The following TENM2 variants were observed in gnomAD, a reference collection of about 807,000 sequenced individuals.
TENM2 encodes the protein teneurin-2.
A neutral mutation model predicts 245.2 loss-of-function variants in TENM2; 52 were observed. The ratio of observed to expected loss-of-function variants is 0.21; its 90% CI spans 0.17 to 0.27. The LOEUF is 0.27. Ranked by LOEUF, TENM2 falls within the 10% of genes least tolerant of loss-of-function variation. TENM2 has a pLI of 1.00. For synonymous variants in TENM2, 1,363 were observed against 1,438.9 expected, an observed-to-expected ratio of 0.95 and a Z score of 1.19; for missense variants, 3,046 against 3,666.8, an observed-to-expected ratio of 0.83 and a Z score of 4.37.
exon 29 of TENM2, chr5:168,262,171 C>T: frequency 6.2e-7 from 1 of 1,612,896 alleles, no homozygotes; most frequent in Non-Finnish European, 8.5e-7. Context: ...ACTGGTTTGC[C>T]ACCACCACGC....
chr5:167,841,979 A>T (rs1417121282), intron 2 of TENM2, among the ~76,000 whole-genome samples: 2 of 152,152 alleles, frequency 1.3e-5, no homozygotes, highest in Non-Finnish European at 2.9e-5. Context: ...ATACACACAC[A>T]TACATGCAGT....
At chr5:168,003,653 G>A (rs932105689) in intron 5 of TENM2, among the ~76,000 whole-genome samples, 17 of 152,128 alleles carry the variant, frequency 1.1e-4, no homozygotes, top group South Asian at 4.1e-4. Context: ...AAAAGCAATC[G>A]TTGTGAATTG....
At chr5:167,280,795 T>TATC (rs1402836248), upstream of TENM2, among the ~76,000 whole-genome samples, 4 of 151,636 alleles carry the variant, frequency 2.6e-5, no homozygotes, top group East Asian at 3.9e-4. Flanking sequence ...TCTATCTATC[T>TATC]ATCTATCTAT....
chr5:167,701,728 C>A (rs1323540956), intron 2 of TENM2, among the ~76,000 whole-genome samples: 2 of 152,150 alleles, frequency 1.3e-5, no homozygotes, highest in African/African-American at 4.8e-5. Flanking sequence ...TAGTGGAACT[C>A]TAAATTGTAG....
At chr5:167,427,619 AG>A (rs145494188) in intron 2 of TENM2, among the ~76,000 whole-genome samples, 9 of 66,068 alleles carry the variant, frequency 1.4e-4, no homozygotes, top group Admixed American at 3.0e-4. Flanking sequence ...AAGGAAGGGA[AG>A]GAAGAAAGGA....
the TENM2 span, among the ~76,000 whole-genome samples, chr5:167,241,014 T>C: frequency 0.022 from 3,328 of 152,236 alleles, 131 homozygotes; most frequent in African/African-American, 0.075. Context: ...AAACTAATAT[T>C]CCCAAAATAG....
chr5:168,015,734 T>G (rs1785597130), intron 5 of TENM2, among the ~76,000 whole-genome samples: 1 of 152,150 alleles, frequency 6.6e-6, no homozygotes, highest in Non-Finnish European at 1.5e-5. Context: ...GAGAAAAGTT[T>G]CCTCCCGTTT....
chr5:167,774,921 A>G (rs575825596), intron 2 of TENM2, among the ~76,000 whole-genome samples: 1 of 152,228 alleles, frequency 6.6e-6, no homozygotes, highest in African/African-American at 2.4e-5. Flanking sequence ...CCCAATTTGC[A>G]AGTTGTCCAA....
intron 3 of TENM2, among the ~76,000 whole-genome samples, chr5:167,905,338 G>A (rs960621022): frequency 2.0e-5 from 3 of 152,180 alleles, no homozygotes; most frequent in African/African-American, 7.2e-5. Context: ...GAGTTACCAC[G>A]AATGAATCTT....
intron 2 of TENM2, among the ~76,000 whole-genome samples, chr5:167,459,261 T>C (rs1766132264): frequency 6.6e-6 from 1 of 152,250 alleles, no homozygotes; most frequent in Non-Finnish European, 1.5e-5. Flanking sequence ...GTTTTGGGTC[T>C]GGTTTATTTC....
chr5:167,836,735 T>A (rs1769028728), intron 2 of TENM2, among the ~76,000 whole-genome samples: 1 of 152,058 alleles, frequency 6.6e-6, no homozygotes, highest in African/African-American at 2.4e-5. Flanking sequence ...GGGGGCAGAA[T>A]TAACAGTAAA....
At position 167,384,432 on chromosome 5, in the gene TENM2, T is replaced by C. The variant is rs565894281; in HGVS notation, c.502+8959T>C. ...AGAATGGGAGGTGAGGTGAAGATGA[T>C]GATGATTTTTCAGGGGACACTTTCT... On this transcript the variant is annotated intron_variant, in intron 2 of 28. Coordinates refer to ENST00000518659, the Ensembl canonical transcript of TENM2. Among the ~76,000 whole-genome samples the C allele has an allele frequency of 3.9e-5, 6 of 152,158 alleles. No individual in the cohort carries two copies. The East Asian group carries it at 9.7e-4, about 25-fold the overall frequency.
chr5:167,582,342 G>A (rs774590931), intron 2 of TENM2, among the ~76,000 whole-genome samples: 1 of 152,264 alleles, frequency 6.6e-6, no homozygotes, highest in African/African-American at 2.4e-5. Flanking sequence ...ATAGGCTTAT[G>A]TGACAAAAAT....
the TENM2 span, among the ~76,000 whole-genome samples, chr5:167,065,815 A>T: frequency 6.6e-6 from 1 of 152,244 alleles, no homozygotes; most frequent in Non-Finnish European, 1.5e-5. Flanking sequence ...TATCATAGAC[A>T]ACAGTGGTCA....
At chr5:167,022,514 T>C in the TENM2 span, among the ~76,000 whole-genome samples, 1 of 152,220 alleles carries the variant, frequency 6.6e-6, no homozygotes, top group East Asian at 1.9e-4. Flanking sequence ...GAAATTCAAA[T>C]TTAACTGTAT....
chr5:167,835,379 G>T (rs2973660), intron 2 of TENM2, among the ~76,000 whole-genome samples: 149,871 of 152,290 alleles, frequency 0.98, 73,783 homozygotes, highest in Middle Eastern at 1. Context: ...AAATTGAGAA[G>T]GCAGCTGTCA....
intron 2 of TENM2, among the ~76,000 whole-genome samples, chr5:167,429,194 G>A (rs1433608488): frequency 6.6e-6 from 1 of 152,106 alleles, no homozygotes; most frequent in Non-Finnish European, 1.5e-5. Flanking sequence ...TTCTGGCAGG[G>A]ATGAGGATCT....
intron 2 of TENM2, among the ~76,000 whole-genome samples, chr5:167,611,381 C>T (rs552037515): frequency 6.6e-6 from 1 of 152,136 alleles, no homozygotes; most frequent in Non-Finnish European, 1.5e-5. Flanking sequence ...CTAGAATATA[C>T]AGTCCTGCTA....
intron 27 of TENM2, among the ~76,000 whole-genome samples, chr5:168,252,521 C>T (rs991542435): frequency 3.3e-5 from 5 of 151,824 alleles, no homozygotes; most frequent in African/African-American, 1.2e-4. Flanking sequence ...CCAGTTCTCT[C>T]TCATATTAGA....
Sources: gnomAD v4.1 joint callset for allele counts (sites outside exome capture counted in the v4.1 genomes callset) on GRCh38, gnomAD v4.1.1 for gene constraint, MANE v1.5 for transcripts, NCBI Gene and HGNC (gene_info 2026-07-23, HGNC 2026-07-21) for gene names.